The following PRKG1 variants were observed in gnomAD, a reference collection of about 807,000 sequenced individuals.
PRKG1 encodes protein kinase cGMP-dependent 1.
In PRKG1, 35 loss-of-function variants were observed where a neutral mutation model predicts 88.1. The observed-to-expected ratio is 0.40, with a 90% CI of 0.30 to 0.53. The LOEUF is 0.53. Among genes scored for constraint, PRKG1 ranks in the 20% least tolerant of loss-of-function variants. The probability of loss-of-function intolerance (pLI) is 0.59; values close to 1 mark genes in which losing one functional copy is unlikely to be tolerated. For synonymous variants in PRKG1, 303 were observed against 292.5 expected (o/e 1.04, Z -0.37); for missense variants, 540 against 839.8 (o/e 0.64, Z 4.41).
chr10:51,534,030 T>C (rs1381111898), intron 3 of PRKG1, among the ~76,000 whole-genome samples: 1 of 152,028 alleles, frequency 6.6e-6, no homozygotes, highest in Non-Finnish European at 1.5e-5. Flanking sequence ...TAATCCAAAG[T>C]TGGGTAAAAT....
At chr10:51,549,115 C>CTTTTCTTTTTTTTTTTTT (rs1842514928) in intron 3 of PRKG1, among the ~76,000 whole-genome samples, 1 of 79,308 alleles carries the variant, frequency 1.3e-5, no homozygotes, top group Non-Finnish European at 2.5e-5. Flanking sequence ...TCTTTCTTTT[C>CTTTTCTTTTTTTTTTTTT]TTTTCTTTTT....
At chr10:51,725,331 G>T (rs548686338) in intron 3 of PRKG1, among the ~76,000 whole-genome samples, 2 of 152,312 alleles carry the variant, frequency 1.3e-5, no homozygotes, top group East Asian at 3.9e-4. Context: ...AATTTTAGGA[G>T]ATTTGAATGA....
chr10:51,795,157 C>A (rs2132591618), intron 3 of PRKG1, among the ~76,000 whole-genome samples: 1 of 152,176 alleles, frequency 6.6e-6, no homozygotes, highest in African/African-American at 2.4e-5. Context: ...TATTGGAAGT[C>A]ACCATTGGCC....
intron 9 of PRKG1, among the ~76,000 whole-genome samples, chr10:52,187,994 G>A (rs1000907835): frequency 1.3e-5 from 2 of 152,122 alleles, no homozygotes; most frequent in African/African-American, 2.4e-5. Flanking sequence ...ACAGTAGACT[G>A]CTGGAGTTAT....
chr10:52,247,443 C>T (rs772750162), intron 9 of PRKG1, among the ~76,000 whole-genome samples: 86 of 152,228 alleles, frequency 5.6e-4, no homozygotes, highest in Admixed American at 1.6e-3. Flanking sequence ...ACATTTATCT[C>T]CTCAGGCAAA....
intron 7 of PRKG1, among the ~76,000 whole-genome samples, chr10:52,076,995 G>GTT (rs954483832): frequency 2.8e-5 from 4 of 145,076 alleles, no homozygotes; most frequent in Non-Finnish European, 1.5e-5. Context: ...CAGTTTGGCA[G>GTT]TTTTTTTTTT....
chr10:51,719,945 T>C (rs1040037178), intron 3 of PRKG1, among the ~76,000 whole-genome samples: 1 of 152,102 alleles, frequency 6.6e-6, no homozygotes, highest in Admixed American at 6.6e-5. Context: ...AGATGAGAGA[T>C]GATAACTGTG....
chr10:51,858,410 AAT>A (rs1366072997), intron 4 of PRKG1, among the ~76,000 whole-genome samples: 1 of 56,886 alleles, frequency 1.8e-5, no homozygotes, highest in African/African-American at 6.4e-5. Flanking sequence ...ATATATATAA[AAT>A]ATATATATAA....
intron 5 of PRKG1, among the ~76,000 whole-genome samples, chr10:52,051,167 C>T (rs1341203816): frequency 6.6e-6 from 1 of 152,170 alleles, no homozygotes; most frequent in East Asian, 1.9e-4. Context: ...AAGAAAATAA[C>T]TATCACATGG....
rs183155175 is a variant in PRKG1 at position 52,292,712 on chromosome 10, C to G, written c.1963-1090C>G. Among the ~76,000 whole-genome samples, 875 of 152,040 alleles carry G rather than the reference C, an allele frequency of 5.8e-3. 8 individuals are homozygous for G. Among genetic ancestry groups the G allele is most frequent in the African/African-American group, 0.019 (801 of 41,440 alleles). On this transcript the variant is annotated intron_variant, in intron 17 of 17. Transcript: ENST00000373980. Reference sequence around the variant, plus strand: ...AAGGCCTCTGACAAAATTTAACAACCCTTCATGCTAAAAACTCTCAATAAA... The same window carrying G: ...AAGGCCTCTGACAAAATTTAACAACGCTTCATGCTAAAAACTCTCAATAAA...
At chr10:51,358,610 A>G (rs1190328414) in intron 2 of PRKG1, among the ~76,000 whole-genome samples, 1 of 151,966 alleles carries the variant, frequency 6.6e-6, no homozygotes, top group Non-Finnish European at 1.5e-5. Flanking sequence ...AGCTTGTAGT[A>G]TAATAGAAAG....
intron 1 of PRKG1, among the ~76,000 whole-genome samples, chr10:51,061,376 C>T (rs1394022019): frequency 6.6e-6 from 1 of 152,164 alleles, no homozygotes; most frequent in East Asian, 1.9e-4. Flanking sequence ...CCAGGTCCCT[C>T]TCACAACACG....
At chr10:52,114,419 T>G (rs1448879054) in intron 7 of PRKG1, among the ~76,000 whole-genome samples, 1 of 152,080 alleles carries the variant, frequency 6.6e-6, no homozygotes, top group African/African-American at 2.4e-5. Flanking sequence ...ACATATCACA[T>G]ATGGTCTGTC....
intron 2 of PRKG1, among the ~76,000 whole-genome samples, chr10:51,276,148 T>C (rs1294776933): frequency 1.3e-5 from 2 of 152,006 alleles, no homozygotes; most frequent in Non-Finnish European, 2.9e-5. Flanking sequence ...CAGTGTGTGA[T>C]GTTCCCCTTC....
At chr10:51,032,308 C>G (rs2132747447) in intron 1 of PRKG1, among the ~76,000 whole-genome samples, 1 of 152,162 alleles carries the variant, frequency 6.6e-6, no homozygotes, top group South Asian at 2.1e-4. Context: ...ATTTTAACCC[C>G]CAAAGGTCTC....
intron 2 of PRKG1, among the ~76,000 whole-genome samples, chr10:51,303,903 C>T (rs1396857456): frequency 6.6e-6 from 1 of 152,044 alleles, no homozygotes; most frequent in African/African-American, 2.4e-5. Context: ...TCACCGCAAC[C>T]TCCACCCCCA....
At chr10:51,049,853 A>G (rs1024514066) in intron 1 of PRKG1, among the ~76,000 whole-genome samples, 3 of 152,182 alleles carry the variant, frequency 2.0e-5, no homozygotes, top group East Asian at 1.9e-4. Context: ...TGAACATTAA[A>G]ATAAAATCCG....
intron 9 of PRKG1, chr10:52,242,051 T>C (rs1042340495): frequency 2.0e-5 from 3 of 152,214 alleles, no homozygotes; most frequent in Non-Finnish European, 4.4e-5. Context: ...TCTGTAGTAA[T>C]GCATGATTTT....
intron 7 of PRKG1, among the ~76,000 whole-genome samples, chr10:52,081,907 G>A (rs1487495709): frequency 6.6e-6 from 1 of 152,026 alleles, no homozygotes; most frequent in Non-Finnish European, 1.5e-5. Flanking sequence ...ACTTGATATT[G>A]TGGATAAACT....
Sources: gnomAD v4.1 joint callset for allele counts (sites outside exome capture counted in the v4.1 genomes callset) on GRCh38, gnomAD v4.1.1 for gene constraint, MANE v1.5 for transcripts, NCBI Gene and HGNC (gene_info 2026-07-23, HGNC 2026-07-21) for gene names.